Variants in SPG7 observed in about 807,000 individuals in gnomAD.
SPG7 encodes SPG7 matrix AAA peptidase subunit, paraplegin.
Under a neutral mutation model 81.9 loss-of-function variants are expected in SPG7, and 103 were observed. The observed-to-expected ratio is 1.26, with a 90% confidence interval of 1.07 to 1.48. The LOEUF (loss-of-function observed/expected upper bound fraction) is 1.48. Among genes scored for constraint, SPG7 ranks in the 40% most tolerant of loss-of-function variants. The pLI, the probability that SPG7 is intolerant of heterozygous loss-of-function variation, is 0.00. For missense variants in SPG7, 1,241 were observed against 1,087.3 expected (o/e 1.14, Z -1.99); for synonymous variants, 534 against 444.2 (o/e 1.20, Z -2.54).
At chr16:89,538,248 C>A (rs1393053986) in intron 9 of SPG7, 1 of 152,098 alleles carries the variant, frequency 6.6e-6, no homozygotes, top group Non-Finnish European at 1.5e-5. Context: ...TGAGACATCC[C>A]TCAAAGAAAG....
chr16:89,553,025 T>C lies in SPG7; in HGVS notation c.1826T>C (p.Met609Thr). The C allele has an allele frequency of 6.2e-7, 1 of 1,614,030 alleles. No individual in the cohort carries two copies. Among genetic ancestry groups the C allele is most frequent in the Non-Finnish European group, 8.5e-7 (1 of 1,179,938 alleles). The change falls in exon 14 of 17, where the codon ATG becomes ACG. Residue 609 changes from methionine (M) to threonine (T), a missense_variant. By Grantham distance (81) the Met-to-Thr change is moderately conservative (BLOSUM62 -1). Coordinates refer to ENST00000645818, the MANE Select transcript of SPG7 (RefSeq NM_003119.4). ...RTNAALGFAQ[M>T]LPRDQHLFTK... ...AACGCCGCCCTGGGCTTTGCTCAGA[T>C]GCTCCCCAGAGACCAGCACCTCTTC... is the stretch of plus-strand genomic sequence containing the variant.
At chr16:89,554,593 G>A (rs770055081) in intron 16 of SPG7, 30 bp downstream of exon 16, 14 of 1,526,936 alleles carry the variant, frequency 9.2e-6, no homozygotes, top group South Asian at 3.4e-5. Flanking sequence ...TGGGGGCTAC[G>A]GCGTCACACA....
intron 10 of SPG7, chr16:89,546,114 TCTCA>T (rs2058560341): frequency 2.0e-5 from 6 of 300,950 alleles, no homozygotes; most frequent in South Asian, 1.6e-4. Flanking sequence ...TTTGAGACAG[TCTCA>T]CTCTATCCCC....
At chr16:89,531,129 T>C (rs1042429890) in intron 7 of SPG7, 2 of 449,120 alleles carry the variant, frequency 4.5e-6, no homozygotes, top group African/African-American at 4.0e-5. Context: ...TTGGTGGCAG[T>C]GCATGAGCTG....
intron 3 of SPG7, among the ~76,000 whole-genome samples, chr16:89,513,853 C>A (rs2058054939): frequency 6.6e-6 from 1 of 152,234 alleles, no homozygotes; most frequent in African/African-American, 2.4e-5. Context: ...AGGACTTTTT[C>A]TTCCCATGTT....
At chr16:89,513,963 A>G (rs1475562106) in intron 3 of SPG7, among the ~76,000 whole-genome samples, 30 of 152,174 alleles carry the variant, frequency 2.0e-4, no homozygotes, top group Non-Finnish European at 2.9e-5. Context: ...TTGTTTCAGG[A>G]GTGACGTCCT....
rs1415076282 is a variant in SPG7, at chr16:89,536,647, G to GA, written c.1324+4011_1324+4012insA. 199 of 1,242,916 alleles carry GA rather than the reference G, an allele frequency of 1.6e-4. No homozygotes were observed. In the African/African-American group the frequency reaches 2.8e-3, roughly 17 times the overall value. The allele number at this position is 1,242,916 out of a possible 1,614,324, so 77.0% of individuals were successfully genotyped here. On this transcript the variant is annotated intron_variant, in intron 9 of 16. Transcript: ENST00000645818. ...TGAGGGCGGGTGAGGCGGGCGAGGT[G>GA]GGCGAGGCAGGCGAGGCGGGTGAGA... is the stretch of plus-strand genomic sequence containing the variant.
At chr16:89,523,907 C>T (rs1483274129) in intron 3 of SPG7, 99 bp from the exon 4 acceptor site, 3 of 1,486,950 alleles carry the variant, frequency 2.0e-6, no homozygotes. Flanking sequence ...GGACGCTGCC[C>T]CTCCCCGTCC....
Position 89,557,441 on chromosome 16 carries a change from C to G in SPG7, c.*348C>G, listed in dbSNP as rs2058699106. Reference sequence around the variant, plus strand: ...AGAGCATTCAGACTCCAAACAGACCCCTGTTCATGCCGACGCTTGCACGAC... The same window carrying G: ...AGAGCATTCAGACTCCAAACAGACCGCTGTTCATGCCGACGCTTGCACGAC... On this transcript the variant is annotated 3_prime_UTR_variant, in exon 17 of 17. Coordinates refer to ENST00000645818, the MANE Select transcript of SPG7 (RefSeq NM_003119.4). 9.0e-6 allele frequency: 3 copies of G among 332,296 alleles called. No individual in the cohort carries two copies. Among genetic ancestry groups the G allele is most frequent in the Non-Finnish European group, 1.1e-5 (2 of 174,508 alleles). 20.6% of individuals were successfully genotyped at this position (332,296 alleles called of 1,614,324 possible).
intron 3 of SPG7, 106 bp from the exon 4 acceptor site, chr16:89,523,900 C>A: frequency 2.2e-6 from 3 of 1,394,134 alleles, no homozygotes; most frequent in Non-Finnish European, 3.0e-6. Context: ...CTGTGCAGGA[C>A]GCTGCCCCTC....
chr16:89,540,866 C>A, intron 9 of SPG7: 1 of 978,290 alleles, frequency 1.0e-6, no homozygotes, highest in Non-Finnish European at 1.2e-6. Context: ...GCTCATTTAC[C>A]TGTAATAGCT....
intron 1 of SPG7, chr16:89,509,013 GC>G (rs2057974467): frequency 2.2e-6 from 1 of 463,070 alleles, no homozygotes; most frequent in Non-Finnish European, 4.3e-6. Flanking sequence ...CGAGTAGGGG[GC>G]CCAGAACGTT....
In SPG7 at chr16:89,530,790, G is replaced by A. The variant is rs760817154; in HGVS notation, c.969G>A (p.Glu323=). The A allele has an allele frequency of 3.1e-6, 5 of 1,614,182 alleles. No homozygotes were observed. Among genetic ancestry groups the A allele is most frequent in the Non-Finnish European group, 4.2e-6 (5 of 1,180,022 alleles). Residue 323 remains glutamate (E), a synonymous_variant, in exon 7 of 17, where the codon GAG becomes GAA. Coordinates refer to ENST00000645818, the MANE Select transcript of SPG7 (RefSeq NM_003119.4). ...ACGAAGCCAAACTGGAAGTCCGCGA[G>A]TTTGTGGATTATCTGAAGGTGAAAG... ...GMHEAKLEVR[E]FVDYLKSPER...
intron 2 of SPG7, 72 bp downstream of exon 2, chr16:89,510,664 CTTTT>C (rs2058007899): frequency 1.1e-6 from 1 of 945,556 alleles, no homozygotes; most frequent in East Asian, 2.4e-5. Context: ...GGAGGCTGAT[CTTTT>C]TTTATTTTAG....
intron 5 of SPG7, chr16:89,527,139 A>G (rs2058274925): frequency 6.2e-6 from 1 of 160,624 alleles, no homozygotes; most frequent in African/African-American, 2.4e-5. Context: ...GAATAATGAC[A>G]AAAATGTGTC....
Position 89,556,320 on chromosome 16 carries a change from C to A in SPG7, c.2182-567C>A, listed in dbSNP as rs74037223. On this transcript the variant is annotated intron_variant, in intron 16 of 16. Coordinates refer to ENST00000645818, the MANE Select transcript of SPG7 (RefSeq NM_003119.4). Reference sequence around the variant, plus strand: ...AGCAGGTAATTAACAACAACAACAACAAAAAATCTGGAAGAGTTCTGCCTT... The same window carrying A: ...AGCAGGTAATTAACAACAACAACAAAAAAAAATCTGGAAGAGTTCTGCCTT... 7.3e-3 allele frequency: 2,754 copies of A among 375,478 alleles called. 68 individuals are homozygous for A. Among genetic ancestry groups the A allele is most frequent in the African/African-American group, 0.051 (2,467 of 48,028 alleles). 23.3% of individuals were successfully genotyped at this position (375,478 alleles called of 1,614,324 possible).
chr16:89,514,928 C>A (rs2058074669), intron 3 of SPG7, among the ~76,000 whole-genome samples: 1 of 145,852 alleles, frequency 6.9e-6, no homozygotes, highest in South Asian at 2.2e-4. Context: ...CCGTGCCTGG[C>A]CTTGACCTTT....
chr16:89,508,907 T>C (rs781374793), intron 1 of SPG7: 2 of 579,532 alleles, frequency 3.5e-6, no homozygotes, highest in East Asian at 7.7e-5. Flanking sequence ...TGGAATCCAG[T>C]AACGGTTTCC....
chr16:89,531,301 G>A (rs1029613961), intron 7 of SPG7: 22 of 251,672 alleles, frequency 8.7e-5, no homozygotes, highest in Non-Finnish European at 1.7e-4. Context: ...AGGCAGGGGA[G>A]TGACTGAGCC....
Sources: allele counts gnomAD v4.1 joint callset (sites outside exome capture counted in the v4.1 genomes callset), GRCh38; gene constraint gnomAD v4.1.1; transcripts MANE v1.5; gene names NCBI Gene and HGNC (gene_info 2026-07-23, HGNC 2026-07-21).